HPSE2: variants seen among roughly 807,000 people sequenced by gnomAD.
HPSE2 encodes the protein inactive heparanase-2.
Under a neutral mutation model 60.5 loss-of-function variants are expected in HPSE2, and 38 were observed. The observed-to-expected ratio is 0.63, with a 90% CI of 0.48 to 0.82. The LOEUF (loss-of-function observed/expected upper bound fraction) is 0.82, where lower values mean the gene tolerates loss of function less well. Among genes scored for constraint, HPSE2 ranks in the 40% least tolerant of loss-of-function variants. HPSE2 has a pLI of 0.00. For synonymous variants in HPSE2, 295 were observed against 293.2 expected, an observed-to-expected ratio of 1.01 and a Z score of -0.06; for missense variants, 713 against 740.4, an observed-to-expected ratio of 0.96 and a Z score of 0.43.
At chr10:98,562,513 G>A (rs1325396478) in intron 9 of HPSE2, among the ~76,000 whole-genome samples, 4 of 151,878 alleles carry the variant, frequency 2.6e-5, no homozygotes, top group South Asian at 4.2e-4. Context: ...TCAGGAGATC[G>A]AGACCATCCT....
chr10:99,152,512 G>A (rs192198659), intron 2 of HPSE2, among the ~76,000 whole-genome samples: 5 of 151,996 alleles, frequency 3.3e-5, no homozygotes, highest in East Asian at 1.9e-4. Context: ...TTAAAAACTC[G>A]TAAGATTATA....
chr10:98,788,652 C>A (rs188654511), intron 3 of HPSE2, among the ~76,000 whole-genome samples: 2 of 152,202 alleles, frequency 1.3e-5, no homozygotes, highest in East Asian at 3.9e-4. Context: ...TCGTGGTGCG[C>A]TGTTTCTTAA....
chr10:99,077,348 C>G (rs1334850502), intron 3 of HPSE2, among the ~76,000 whole-genome samples: 1 of 152,184 alleles, frequency 6.6e-6, no homozygotes, highest in Non-Finnish European at 1.5e-5. Context: ...CATAATATGT[C>G]TCTTGGTCTG....
intron 2 of HPSE2, among the ~76,000 whole-genome samples, chr10:99,195,785 A>C (rs1389504362): frequency 6.6e-6 from 1 of 152,116 alleles, no homozygotes; most frequent in Non-Finnish European, 1.5e-5. Flanking sequence ...CATTCTACCC[A>C]TAGCAATCTA....
intron 3 of HPSE2, among the ~76,000 whole-genome samples, chr10:98,900,344 T>C (rs1953630505): frequency 1.3e-5 from 2 of 152,190 alleles, no homozygotes; most frequent in Non-Finnish European, 2.9e-5. Context: ...ATTCCATTTA[T>C]GTACAGTTCA....
At chr10:99,082,042 G>T (rs983988055) in intron 3 of HPSE2, among the ~76,000 whole-genome samples, 3 of 152,056 alleles carry the variant, frequency 2.0e-5, no homozygotes, top group Non-Finnish European at 4.4e-5. Flanking sequence ...ATTGTACCAC[G>T]GTTAATCCTT....
intron 3 of HPSE2, among the ~76,000 whole-genome samples, chr10:98,888,064 G>T (rs377262006): frequency 6.6e-6 from 1 of 151,114 alleles, no homozygotes; most frequent in East Asian, 2.0e-4. Context: ...TAACTGGATC[G>T]TTTGTAACTC....
intron 3 of HPSE2, among the ~76,000 whole-genome samples, chr10:98,994,398 T>C (rs997015951): frequency 2.0e-5 from 3 of 152,154 alleles, no homozygotes; most frequent in Non-Finnish European, 4.4e-5. Context: ...AAATTCAGCC[T>C]AAGGGCAGGG....
At chr10:99,102,005 A>G (rs548752572) in intron 3 of HPSE2, among the ~76,000 whole-genome samples, 2 of 152,240 alleles carry the variant, frequency 1.3e-5, no homozygotes, top group South Asian at 4.1e-4. Flanking sequence ...GTAAATTTAT[A>G]GCACTAAATG....
At chr10:98,841,648 A>G (rs1033350361) in intron 3 of HPSE2, among the ~76,000 whole-genome samples, 5 of 152,128 alleles carry the variant, frequency 3.3e-5, no homozygotes, top group African/African-American at 1.2e-4. Flanking sequence ...AAGGGGCAGC[A>G]ATCACTTCAT....
At chr10:98,788,632 G>A (rs918138213) in intron 3 of HPSE2, among the ~76,000 whole-genome samples, 4 of 152,184 alleles carry the variant, frequency 2.6e-5, no homozygotes, top group African/African-American at 9.7e-5. Flanking sequence ...GCCAGGTGTG[G>A]GATATCGTCT....
chr10:98,583,178 A>G (rs1404194057), intron 9 of HPSE2, among the ~76,000 whole-genome samples: 1 of 152,164 alleles, frequency 6.6e-6, no homozygotes, highest in Non-Finnish European at 1.5e-5. Context: ...AATCAAAGGG[A>G]AAAACCCTGA....
intron 3 of HPSE2, among the ~76,000 whole-genome samples, chr10:98,950,619 T>TA (rs909491862): frequency 6.6e-6 from 1 of 152,192 alleles, no homozygotes; most frequent in African/African-American, 2.4e-5. Flanking sequence ...CTGATTTTCT[T>TA]AAAGTCAGGA....
At chr10:99,070,070 A>G (rs1842737967) in intron 3 of HPSE2, among the ~76,000 whole-genome samples, 1 of 152,216 alleles carries the variant, frequency 6.6e-6, no homozygotes, top group South Asian at 2.1e-4. Context: ...TCTGTGCATT[A>G]AGAATGTAAT....
chr10:98,917,078 G>C (rs1409091616), intron 3 of HPSE2, among the ~76,000 whole-genome samples: 1 of 152,046 alleles, frequency 6.6e-6, no homozygotes, highest in Non-Finnish European at 1.5e-5. Context: ...TGGGTTTTTC[G>C]ATTCTTGCTT....
At chr10:99,263,701 C>T in the HPSE2 span, among the ~76,000 whole-genome samples, 1 of 152,080 alleles carries the variant, frequency 6.6e-6, no homozygotes, top group African/African-American at 2.4e-5. Context: ...CTATCAATCC[C>T]TCTACACTCA....
At chr10:99,153,102 C>T (rs184290359) in intron 2 of HPSE2, among the ~76,000 whole-genome samples, 104 of 151,502 alleles carry the variant, frequency 6.9e-4, no homozygotes, top group African/African-American at 1.5e-3. Flanking sequence ...GAGGGTCCTA[C>T]GCCCACGGAG....
chr10:99,014,657 T>A (rs950882490), intron 3 of HPSE2, among the ~76,000 whole-genome samples: 23 of 152,218 alleles, frequency 1.5e-4, no homozygotes, highest in African/African-American at 5.3e-4. Context: ...CTAACTGGTG[T>A]GAGATGGTAT....
At chr10:99,212,102 G>A (rs979739077) in intron 2 of HPSE2, among the ~76,000 whole-genome samples, 1 of 152,094 alleles carries the variant, frequency 6.6e-6, no homozygotes, top group Non-Finnish European at 1.5e-5. Context: ...GATTATCAGG[G>A]AAATGCAAAT....
Sources: gnomAD v4.1 joint callset for allele counts (sites outside exome capture counted in the v4.1 genomes callset) on GRCh38, gnomAD v4.1.1 for gene constraint, MANE v1.5 for transcripts, NCBI Gene and HGNC (gene_info 2026-07-23, HGNC 2026-07-21) for gene names.